Variants in FHIT observed in about 807,000 individuals in gnomAD.
The protein encoded by FHIT is bis(5'-adenosyl)-triphosphatase.
Under a neutral mutation model 17.9 loss-of-function variants are expected in FHIT, and 19 were observed. The observed-to-expected ratio is 1.06, with a 90% CI of 0.74 to 1.56. The LOEUF (loss-of-function observed/expected upper bound fraction) is 1.56. Ranked by LOEUF, FHIT falls within the 40% of genes most tolerant of loss-of-function variation. The pLI is 0.00. For synonymous variants in FHIT, 81 were observed against 69.7 expected (o/e 1.16, Z -0.81); for missense variants, 248 against 189.2 (o/e 1.31, Z -1.82).
At chr3:60,435,295 C>A (rs115932871) in intron 5 of FHIT, among the ~76,000 whole-genome samples, 2 of 152,088 alleles carry the variant, frequency 1.3e-5, no homozygotes, top group African/African-American at 4.8e-5. Context: ...GGGAGTCTAA[C>A]TTTTAAATGA....
chr3:60,792,523 T>G (rs1482274828), intron 4 of FHIT, among the ~76,000 whole-genome samples: 3 of 152,206 alleles, frequency 2.0e-5, no homozygotes, highest in Non-Finnish European at 4.4e-5. Context: ...CCTGAGGAGC[T>G]TAAACATTTG....
At chr3:59,785,973 C>A (rs1699269614) in intron 8 of FHIT, among the ~76,000 whole-genome samples, 1 of 152,190 alleles carries the variant, frequency 6.6e-6, no homozygotes. Flanking sequence ...TGTCATGGCG[C>A]CTGTGAGCTC....
At chr3:61,231,862 A>G (rs1228273802) in intron 1 of FHIT, among the ~76,000 whole-genome samples, 4 of 152,222 alleles carry the variant, frequency 2.6e-5, no homozygotes, top group Admixed American at 1.3e-4. Flanking sequence ...ACATATGGAA[A>G]ATGAAACTGT....
intron 4 of FHIT, among the ~76,000 whole-genome samples, chr3:60,784,489 C>T (rs1365989132): frequency 6.6e-6 from 1 of 152,130 alleles, no homozygotes. Context: ...GCGTGCCCCA[C>T]CACACTCAGC....
chr3:60,567,190 C>T (rs980640125), intron 4 of FHIT, among the ~76,000 whole-genome samples: 17 of 151,616 alleles, frequency 1.1e-4, no homozygotes, highest in East Asian at 7.8e-4. Flanking sequence ...GGAGGCATCA[C>T]GCTACCTGAC....
At chr3:60,006,022 C>CCCCA (rs1350652676) in intron 7 of FHIT, among the ~76,000 whole-genome samples, 1 of 152,064 alleles carries the variant, frequency 6.6e-6, no homozygotes, top group Non-Finnish European at 1.5e-5. Flanking sequence ...GAGTCCTAGG[C>CCCCA]CCCACATCAG....
chr3:60,644,440 AATAG>A (rs2039803931), intron 4 of FHIT, among the ~76,000 whole-genome samples: 1 of 152,238 alleles, frequency 6.6e-6, no homozygotes, highest in Non-Finnish European at 1.5e-5. Context: ...TATTAATCTA[AATAG>A]ATACATTTAT....
intron 1 of FHIT, among the ~76,000 whole-genome samples, chr3:61,203,135 G>A (rs1285975455): frequency 2.6e-4 from 36 of 140,940 alleles, no homozygotes; most frequent in African/African-American, 8.7e-4. Context: ...AGCAGAGATC[G>A]CACCACTGCA....
At chr3:61,243,357 G>A (rs2040416030) in intron 1 of FHIT, among the ~76,000 whole-genome samples, 1 of 152,136 alleles carries the variant, frequency 6.6e-6, no homozygotes, top group Non-Finnish European at 1.5e-5. Context: ...TGCCCCAGGA[G>A]CAGAACCTAA....
At chr3:59,771,102 G>A (rs1186426737) in intron 8 of FHIT, among the ~76,000 whole-genome samples, 1 of 152,146 alleles carries the variant, frequency 6.6e-6, no homozygotes, top group Non-Finnish European at 1.5e-5. Context: ...CTTAGGGTGA[G>A]GGTAGCGGGA....
chr3:61,192,506 A>C (rs897417619), intron 2 of FHIT, among the ~76,000 whole-genome samples: 1 of 152,212 alleles, frequency 6.6e-6, no homozygotes, highest in African/African-American at 2.4e-5. Context: ...CTTCCCATCA[A>C]TCATGACATC....
intron 5 of FHIT, among the ~76,000 whole-genome samples, chr3:60,320,966 A>G (rs144014441): frequency 9.8e-4 from 149 of 152,342 alleles, no homozygotes; most frequent in Middle Eastern, 3.4e-3. Flanking sequence ...AAATCAAATG[A>G]CATGGCCATC....
chr3:61,123,288 G>T (rs927062371), intron 2 of FHIT, among the ~76,000 whole-genome samples: 13 of 152,100 alleles, frequency 8.5e-5, no homozygotes, highest in African/African-American at 2.9e-4. Flanking sequence ...ACTCATAAGT[G>T]GGAATTGAAC....
intron 2 of FHIT, among the ~76,000 whole-genome samples, chr3:61,149,435 A>G (rs947977905): frequency 1.3e-5 from 2 of 151,786 alleles, no homozygotes; most frequent in African/African-American, 4.8e-5. Context: ...ATAAATAAAA[A>G]TTGTTTTATT....
intron 4 of FHIT, among the ~76,000 whole-genome samples, chr3:60,630,873 T>A (rs1189658058): frequency 6.6e-6 from 1 of 151,318 alleles, no homozygotes; most frequent in East Asian, 2.0e-4. Flanking sequence ...CCTGTTAGGA[T>A]TCTTTAACCT....
chr3:60,744,003 C>T (rs899096223), intron 4 of FHIT, among the ~76,000 whole-genome samples: 1 of 152,096 alleles, frequency 6.6e-6, no homozygotes, highest in Non-Finnish European at 1.5e-5. Context: ...GGCAGCTGGA[C>T]TAGCTTAGTT....
intron 7 of FHIT, among the ~76,000 whole-genome samples, chr3:60,009,028 T>C (rs563698067): frequency 6.6e-6 from 1 of 152,312 alleles, no homozygotes; most frequent in South Asian, 2.1e-4. Flanking sequence ...CTTTTTGTTG[T>C]TGTTAACTGA....
At chr3:60,764,016 A>C (rs1487303014) in intron 4 of FHIT, among the ~76,000 whole-genome samples, 2 of 152,130 alleles carry the variant, frequency 1.3e-5, no homozygotes, top group African/African-American at 2.4e-5. Flanking sequence ...ACTCCATTTC[A>C]CAGGTGAAAG....
intron 5 of FHIT, among the ~76,000 whole-genome samples, chr3:60,392,182 A>G (rs1701259373): frequency 6.6e-6 from 1 of 152,206 alleles, no homozygotes; most frequent in South Asian, 2.1e-4. Context: ...AGGCACTAAG[A>G]AGATTAAGAC....
Sources: allele counts gnomAD v4.1 joint callset (sites outside exome capture counted in the v4.1 genomes callset), GRCh38; gene constraint gnomAD v4.1.1; transcripts MANE v1.5; gene names NCBI Gene and HGNC (gene_info 2026-07-23, HGNC 2026-07-21).